Variants in NIPBL observed in about 807,000 individuals in gnomAD.
The protein encoded by NIPBL is NIPBL cohesin loading factor.
NIPBL carries 19 observed loss-of-function variants against 321.8 expected under a neutral mutation model. The ratio of observed to expected loss-of-function variants is 0.06; its 90% CI spans 0.04 to 0.09. The LOEUF (loss-of-function observed/expected upper bound fraction) is 0.09. NIPBL is among the 10% of genes least tolerant of loss of function. NIPBL has a pLI of 1.00. For missense variants in NIPBL, 2,210 were observed against 3,327.0 expected (o/e 0.66, Z 8.26); for synonymous variants, 1,106 against 1,114.1 (o/e 0.99, Z 0.14).
chr5:37,016,225 A>T, intron 23 of NIPBL, 55 bp downstream of exon 23: 2 of 1,523,290 alleles, frequency 1.3e-6, no homozygotes, highest in Non-Finnish European at 1.8e-6. Flanking sequence ...CATAATGAGG[A>T]TGTACTCTGA....
At chr5:37,054,764 A>G (rs2149746029) in intron 42 of NIPBL, among the ~76,000 whole-genome samples, 1 of 152,310 alleles carries the variant, frequency 6.6e-6, no homozygotes, top group South Asian at 2.1e-4. Flanking sequence ...TGCTATATAA[A>G]CCAGGGAAGG....
chr5:37,027,271 A>G (rs112963086), intron 31 of NIPBL, 88 bp from the exon 32 acceptor site: 1 of 1,032,502 alleles, frequency 9.7e-7, no homozygotes, highest in Non-Finnish European at 1.5e-6. Context: ...GAAAATTGAA[A>G]CATGTTTCAG....
chr5:36,887,983 C>G (rs1460676870), intron 1 of NIPBL, among the ~76,000 whole-genome samples: 1 of 152,192 alleles, frequency 6.6e-6, no homozygotes, highest in Non-Finnish European at 1.5e-5. Flanking sequence ...ATCCTTGACA[C>G]TTCTTTACCA....
In NIPBL at chr5:37,064,930, T is replaced by TC. The variant is rs1488894388; in HGVS notation, c.*38_*39insC. 6.2e-7 allele frequency: 1 copy of TC among 1,613,432 alleles called. No individual in the cohort carries two copies. The highest frequency in any genetic ancestry group is 8.5e-7 in the Non-Finnish European group (1 of 1,179,858). ...TGCAGCCAAATTTACAGGAATTTTT[T>TC]TAAAAGGCAGAAAAACTTGAAATAC... On this transcript the variant is annotated 3_prime_UTR_variant, in exon 47 of 47. Transcript: ENST00000282516.
chr5:37,062,518 A>G (rs921131841), intron 45 of NIPBL, among the ~76,000 whole-genome samples: 1 of 152,044 alleles, frequency 6.6e-6, no homozygotes, highest in Non-Finnish European at 1.5e-5. Flanking sequence ...GTTATTGTTT[A>G]ATGAGGACAG....
chr5:36,962,188 C>T lies in NIPBL; in HGVS notation c.524C>T (p.Pro175Leu), dbSNP rs1224541280. 1.9e-6 allele frequency: 3 copies of T among 1,614,076 alleles called. No individual in the cohort carries two copies. Among genetic ancestry groups the T allele is most frequent in the Non-Finnish European group, 1.7e-6 (2 of 1,179,966 alleles). Residue 175 changes from proline to leucine, a missense_variant, in exon 6 of 47, where the codon CCT (proline) becomes CTT (leucine). Pro to Leu is a moderately conservative substitution (Grantham distance 98, BLOSUM62 -3). Around this residue, in one of 14 missense-constraint regions of NIPBL, gnomAD observed 464 missense variants for 529.5 expected, o/e 0.88. Transcript: ENST00000282516. ...RFMPQQNSPV[P>L]SPYAPQSPAG... ...ATGCCACAGCAAAATAGCCCAGTGCCTAGTCCATACGCCCCACAAAGCCCT... is the reference window on the plus strand; with the variant it reads ...ATGCCACAGCAAAATAGCCCAGTGCTTAGTCCATACGCCCCACAAAGCCCT...
chr5:36,958,334 A>G (rs751550644), intron 4 of NIPBL, 103 bp downstream of exon 4: 2 of 1,120,232 alleles, frequency 1.8e-6, no homozygotes, highest in Non-Finnish European at 2.7e-6. Context: ...TGCGATGTTT[A>G]TGCCTTCAGT....
intron 16 of NIPBL, 148 bp from the exon 17 acceptor site, chr5:37,006,209 G>A (rs1418540742): frequency 1.5e-6 from 1 of 646,690 alleles, no homozygotes; most frequent in Non-Finnish European, 2.8e-6. Context: ...AGTAGTATCA[G>A]TATTTGTACC....
In NIPBL at chr5:36,961,465, A is replaced by T; in HGVS notation, c.359-19A>T. ...CTGTTAGAAGAAAATAACGTTCTGT[A>T]TTTTTGTGTTTTGCATAGGAATGAT... is the stretch of plus-strand genomic sequence containing the variant. On this transcript the variant is annotated intron_variant, in intron 4 of 46. Transcript: ENST00000282516. 1 of 1,406,482 alleles carries T rather than the reference A, an allele frequency of 7.1e-7. No individual in the cohort carries two copies. The highest frequency in any genetic ancestry group is 1.0e-6 in the Non-Finnish European group (1 of 990,738). The allele number at this position is 1,406,482 out of a possible 1,614,324, so 87.1% of individuals were successfully genotyped here.
chr5:37,023,471 A>G (rs1207607056), intron 29 of NIPBL, among the ~76,000 whole-genome samples: 1 of 152,160 alleles, frequency 6.6e-6, no homozygotes, highest in Non-Finnish European at 1.5e-5. Context: ...TCCATACTTC[A>G]TCTGTACTTT....
In NIPBL at chr5:37,024,728, G is replaced by C; in HGVS notation, c.5709+9G>C. The stretch of plus-strand genomic sequence containing the variant: ...ATGAAGAGGGCATTAAGGTAGTGTT[G>C]ACTGTTTTAAATTTATTTTTCATTA... On this transcript the variant is annotated intron_variant, in intron 30 of 46. Transcript: ENST00000282516. 6.2e-7 allele frequency: 1 copy of C among 1,604,368 alleles called. No individual in the cohort carries two copies. The highest frequency in any genetic ancestry group is 8.5e-7 in the Non-Finnish European group (1 of 1,174,474).
chr5:37,026,194 A>T, intron 30 of NIPBL, 35 bp from the exon 31 acceptor site: 1 of 1,241,770 alleles, frequency 8.1e-7, no homozygotes, highest in Non-Finnish European at 1.2e-6. Flanking sequence ...CGTATTTGTT[A>T]TAATTAGTTA....
chr5:36,941,783 T>C (rs1439529866), intron 1 of NIPBL, among the ~76,000 whole-genome samples: 1 of 152,130 alleles, frequency 6.6e-6, no homozygotes, highest in African/African-American at 2.4e-5. Context: ...TAAAAAATTA[T>C]TTTTCTAATG....
chr5:37,024,692 C>T lies in NIPBL; in HGVS notation c.5682C>T (p.Arg1894=), dbSNP rs1175078101. 1.1e-5 allele frequency: 18 copies of T among 1,612,086 alleles called. No homozygotes were observed. Among genetic ancestry groups the T allele is most frequent in the Middle Eastern group, 1.7e-4 (1 of 6,060 alleles). The change falls in exon 30 of 47, where the codon CGC becomes CGT. Residue 1894 remains arginine, a synonymous_variant. Transcript: ENST00000282516. ...CAGAAATGTGTGTAAAAATGATTCGCAGAGTCAATGATGAAGAGGGCATTA... is the reference window on the plus strand; with the variant it reads ...CAGAAATGTGTGTAAAAATGATTCGTAGAGTCAATGATGAAGAGGGCATTA... ...KITEMCVKMI[R]RVNDEEGIKK...
rs374348403 is a variant in NIPBL, at chr5:37,058,876, G to A, written c.7411-15G>A. On this transcript the variant is annotated splice_polypyrimidine_tract_variant and intron_variant, in intron 43 of 46. Coordinates refer to ENST00000282516, the MANE Select transcript of NIPBL (RefSeq NM_133433.4). ...ATTTTGTTTTTATTGTTTATCAAAC[G>A]ATTTTTTCTTTCAGTCTATGGTAAA... The A allele has an allele frequency of 6.2e-6, 10 of 1,612,204 alleles. No homozygotes were observed. The African/African-American group carries it at 6.7e-5, about 11-fold the overall frequency.
intron 10 of NIPBL, among the ~76,000 whole-genome samples, chr5:36,990,599 G>A (rs1745390298): frequency 6.6e-6 from 1 of 152,038 alleles, no homozygotes; most frequent in Non-Finnish European, 1.5e-5. Context: ...ATATCTTTAG[G>A]AAATGTTTGG....
intron 23 of NIPBL, among the ~76,000 whole-genome samples, chr5:37,016,429 T>G (rs1316803317): frequency 6.6e-6 from 1 of 152,074 alleles, no homozygotes; most frequent in Non-Finnish European, 1.5e-5. Context: ...AAATGTTATA[T>G]TGTTAAAAGC....
chr5:36,939,142 A>T (rs1462265450), intron 1 of NIPBL, among the ~76,000 whole-genome samples: 3 of 152,198 alleles, frequency 2.0e-5, no homozygotes, highest in African/African-American at 7.2e-5. Flanking sequence ...AGCTGGGACT[A>T]CAGGTGCATA....
chr5:37,053,315 A>AAGGTAC (rs1753764751), intron 42 of NIPBL, among the ~76,000 whole-genome samples: 2 of 150,256 alleles, frequency 1.3e-5, no homozygotes, highest in Admixed American at 1.4e-4. Flanking sequence ...AAACATAGAA[A>AAGGTAC]AGGTACAGTA....
Sources: gnomAD v4.1 joint callset for allele counts (sites outside exome capture counted in the v4.1 genomes callset) on GRCh38, gnomAD v4.1.1 for gene constraint, gnomAD v4.1.1 regional missense constraint, MANE v1.5 for transcripts, NCBI Gene and HGNC (gene_info 2026-07-23, HGNC 2026-07-21) for gene names.